CRTC3: variants seen among roughly 807,000 people sequenced by gnomAD.
The protein encoded by CRTC3 is CREB-regulated transcription coactivator 3.
CRTC3 carries 26 observed loss-of-function variants against 74.5 expected under a neutral mutation model. That is an observed-to-expected ratio of 0.35 (90% CI 0.26 to 0.48). The LOEUF (loss-of-function observed/expected upper bound fraction) is 0.48, where lower values mean the gene tolerates loss of function less well. Ranked by LOEUF, CRTC3 falls within the 20% of genes least tolerant of loss-of-function variation. The probability of loss-of-function intolerance (pLI) is 0.99; values close to 1 mark genes in which losing one functional copy is unlikely to be tolerated. For synonymous variants in CRTC3, 377 were observed against 325.8 expected (o/e 1.16, Z -1.69); for missense variants, 760 against 787.3 (o/e 0.97, Z 0.41).
At chr15:90,608,481 C>T (rs945181582) in intron 6 of CRTC3, among the ~76,000 whole-genome samples, 1 of 152,198 alleles carries the variant, frequency 6.6e-6, no homozygotes, top group Non-Finnish European at 1.5e-5. Flanking sequence ...CCAGCACCCT[C>T]TCCATCCGTA....
At position 90,642,158 on chromosome 15, in the gene CRTC3, A is replaced by AG. The variant is rs1567200369; in HGVS notation, c.*19dup. On this transcript the variant is annotated 3_prime_UTR_variant, in exon 15 of 15. Transcript: ENST00000268184. ...GACTGTGAACAGAAGGCAGTGGAAC[A>AG]GAAGAATGTTTTTCTGCAACAGCCA... The AG allele has an allele frequency of 6.2e-7, 1 of 1,609,140 alleles. No individual in the cohort carries two copies. The highest frequency in any genetic ancestry group is 1.1e-5 in the South Asian group (1 of 90,970).
chr15:90,546,588 C>A (rs1966844593), intron 2 of CRTC3, among the ~76,000 whole-genome samples: 3 of 152,034 alleles, frequency 2.0e-5, no homozygotes, highest in Admixed American at 2.0e-4. Flanking sequence ...ATTTTAGAAT[C>A]AGCTTGTTAA....
At chr15:90,610,401 A>G (rs560657648) in intron 6 of CRTC3, among the ~76,000 whole-genome samples, 1 of 152,334 alleles carries the variant, frequency 6.6e-6, no homozygotes, top group African/African-American at 2.4e-5. Flanking sequence ...CTGTGAGCCC[A>G]TGAGGAGAGC....
chr15:90,617,827 G>A (rs1447372084), intron 7 of CRTC3, 56 bp from the exon 8 acceptor site: 34 of 1,222,868 alleles, frequency 2.8e-5, no homozygotes, highest in Admixed American at 5.1e-5. Context: ...CACCGTGCCC[G>A]GCCTGGATTC....
intron 3 of CRTC3, chr15:90,595,686 GT>G (rs1006725646): frequency 6.6e-6 from 1 of 151,844 alleles, no homozygotes; most frequent in Non-Finnish European, 1.5e-5. Flanking sequence ...GTATGTATAT[GT>G]GGCTATCTCA....
At chr15:90,538,686 A>G (rs1188897829) in intron 1 of CRTC3, among the ~76,000 whole-genome samples, 2 of 151,778 alleles carry the variant, frequency 1.3e-5, no homozygotes, top group Admixed American at 6.6e-5. Flanking sequence ...CACATATACT[A>G]TTTGAAATCT....
intron 5 of CRTC3, chr15:90,606,629 A>C (rs957428714): frequency 3.3e-5 from 5 of 152,234 alleles, no homozygotes; most frequent in African/African-American, 1.2e-4. Context: ...TTATGTGAGA[A>C]TATCTATTGA....
Position 90,529,976 on chromosome 15 carries a change from G to A in CRTC3, c.-96G>A. On this transcript the variant is annotated 5_prime_UTR_variant, in exon 1 of 15. Coordinates refer to ENST00000268184, the MANE Select transcript of CRTC3 (RefSeq NM_022769.5). ...CGGGTCGCGCCGGACGACTGGCTTC[G>A]GGCGGCGGCCCCGGCGGCCTGTGGA... is the stretch of plus-strand genomic sequence containing the variant. 1 of 986,434 alleles carries A rather than the reference G, an allele frequency of 1.0e-6. No individual in the cohort carries two copies. The highest frequency in any genetic ancestry group is 1.3e-6 in the Non-Finnish European group (1 of 795,848). The allele number at this position is 986,434 out of a possible 1,614,324, so 61.1% of individuals were successfully genotyped here. A position where few individuals can be genotyped will look rare whatever the true frequency, so the allele number is the denominator to read the frequency against.
intron 2 of CRTC3, among the ~76,000 whole-genome samples, chr15:90,570,816 A>G (rs561494820): frequency 6.6e-6 from 1 of 152,206 alleles, no homozygotes; most frequent in Admixed American, 6.5e-5. Flanking sequence ...TGTTACACAC[A>G]TTACTTGATG....
intron 2 of CRTC3, among the ~76,000 whole-genome samples, chr15:90,585,886 C>T (rs1336000137): frequency 6.6e-6 from 1 of 152,192 alleles, no homozygotes; most frequent in African/African-American, 2.4e-5. Flanking sequence ...CTGCTGTCCT[C>T]TGGGGTTCTT....
chr15:90,612,025 C>CCCCCT (rs1270789098), intron 6 of CRTC3, among the ~76,000 whole-genome samples: 3 of 76,544 alleles, frequency 3.9e-5, no homozygotes, highest in Non-Finnish European at 8.3e-5. Flanking sequence ...AACCACCCCC[C>CCCCCT]ACTCCTCCTC....
intron 7 of CRTC3, among the ~76,000 whole-genome samples, chr15:90,617,536 C>T (rs9888660): frequency 0.73 from 110,705 of 152,050 alleles, 40,402 homozygotes; most frequent in South Asian, 0.78. Context: ...TTGTTGTTGT[C>T]TTTGTTTTTT....
intron 2 of CRTC3, among the ~76,000 whole-genome samples, chr15:90,561,778 C>T (rs1324943163): frequency 1.3e-5 from 2 of 152,142 alleles, no homozygotes; most frequent in African/African-American, 4.8e-5. Context: ...AGTTTTGTTC[C>T]AATTCCCTAC....
At chr15:90,641,274 AAAC>A in intron 14 of CRTC3, 75 bp downstream of exon 14, 1 of 1,026,584 alleles carries the variant, frequency 9.7e-7, no homozygotes, top group Non-Finnish European at 1.5e-6. Context: ...AAGAGAGTTT[AAAC>A]AACATAATAT....
intron 2 of CRTC3, among the ~76,000 whole-genome samples, chr15:90,575,320 T>TAG (rs1340021207): frequency 6.6e-6 from 1 of 152,240 alleles, no homozygotes; most frequent in Non-Finnish European, 1.5e-5. Flanking sequence ...CATTGCACTC[T>TAG]AGACTGGGCT....
At chr15:90,568,433 C>G (rs1057429372) in intron 2 of CRTC3, among the ~76,000 whole-genome samples, 2 of 152,106 alleles carry the variant, frequency 1.3e-5, no homozygotes, top group African/African-American at 4.8e-5. Context: ...CTACTGCAAC[C>G]TCTGCCTCAT....
At chr15:90,638,696 G>C (rs756129622) in intron 12 of CRTC3, 39 bp from the exon 13 acceptor site, 2 of 1,612,778 alleles carry the variant, frequency 1.2e-6, no homozygotes, top group African/African-American at 1.3e-5. Context: ...GTTTTGCTCT[G>C]AGTTCCAAGC....
chr15:90,629,318 A>C lies in CRTC3; in HGVS notation c.1052A>C (p.Gln351Pro). The C allele has an allele frequency of 6.2e-7, 1 of 1,614,086 alleles. No individual in the cohort carries two copies. Among genetic ancestry groups the C allele is most frequent in the Non-Finnish European group, 8.5e-7 (1 of 1,180,004 alleles). Residue 351 changes from glutamine (Q) to proline (P), a missense_variant, in exon 11 of 15, where the codon CAG becomes CCG. By Grantham distance (76) the Gln-to-Pro change is moderately conservative. Transcript: ENST00000268184. The stretch of plus-strand genomic sequence containing the variant: ...TCCTCTTCCTTAAATAACCACCCAC[A>C]GACATCTGTTCCCAACGCATCTGCT... ...VLSSSLNNHP[Q>P]TSVPNASALH...
At chr15:90,543,389 C>T (rs535493526) in intron 2 of CRTC3, among the ~76,000 whole-genome samples, 2 of 150,684 alleles carry the variant, frequency 1.3e-5, no homozygotes, top group South Asian at 2.1e-4. Context: ...AAATATTTTG[C>T]GAGGAGATAC....
Sources: gnomAD v4.1 joint callset for allele counts (sites outside exome capture counted in the v4.1 genomes callset) on GRCh38, gnomAD v4.1.1 for gene constraint, MANE v1.5 for transcripts, NCBI Gene and HGNC (gene_info 2026-07-23, HGNC 2026-07-21) for gene names.